Variants in COL25A1 observed in about 807,000 individuals in gnomAD.
The protein encoded by COL25A1 is collagen type XXV alpha 1 chain, also known as collagen alpha-1(XXV) chain.
COL25A1 carries 103 observed loss-of-function variants against 128.4 expected under a neutral mutation model. The observed-to-expected ratio is 0.80, with a 90% CI of 0.68 to 0.94. COL25A1 has a LOEUF of 0.94. Among genes scored for constraint, COL25A1 ranks in the 40% least tolerant of loss-of-function variants. The pLI, the probability that COL25A1 is intolerant of heterozygous loss-of-function variation, is 0.00. For synonymous variants in COL25A1, 279 were observed against 277.2 expected (o/e 1.01, Z -0.06); for missense variants, 745 against 840.0 (o/e 0.89, Z 1.40).
intron 5 of COL25A1, among the ~76,000 whole-genome samples, chr4:109,043,435 A>T (rs1194258299): frequency 6.6e-6 from 1 of 152,074 alleles, no homozygotes; most frequent in East Asian, 1.9e-4. Context: ...CGAGCTGACA[A>T]TTGTTAAAGG....
At chr4:108,857,576 A>T (rs996014662) in intron 24 of COL25A1, among the ~76,000 whole-genome samples, 1 of 151,950 alleles carries the variant, frequency 6.6e-6, no homozygotes, top group Non-Finnish European at 1.5e-5. Flanking sequence ...TTTAAAAAAA[A>T]AAAACGACTT....
At position 109,182,449 on chromosome 4, in the gene COL25A1, A is replaced by G. The variant is rs182233245; in HGVS notation, c.367+118134T>C. ...AAAGGGTAAACTACAGTATGATTAT[A>G]TTGATCCCATCAGCTACATAATAGT... On this transcript the variant is annotated intron_variant, in intron 3 of 37. Transcript: ENST00000399132. Among the ~76,000 whole-genome samples, 120 of 152,278 alleles carry G rather than the reference A, an allele frequency of 7.9e-4. 1 individual carries two copies. The highest frequency in any genetic ancestry group is 7.7e-3 in the Admixed American group (118 of 15,284).
chr4:108,851,787 A>C (rs1735809639), intron 26 of COL25A1, among the ~76,000 whole-genome samples: 1 of 152,160 alleles, frequency 6.6e-6, no homozygotes, highest in African/African-American at 2.4e-5. Flanking sequence ...TGATTCCTAA[A>C]ATTTTGATTT....
At position 109,146,153 on chromosome 4, in the gene COL25A1, C is replaced by T. The variant is rs562281609; in HGVS notation, c.368-95974G>A. Among the ~76,000 whole-genome samples the T allele has an allele frequency of 1.6e-4, 24 of 151,988 alleles. No homozygotes were observed. The South Asian group carries it at 2.3e-3, about 14-fold the overall frequency. The stretch of plus-strand genomic sequence containing the variant: ...ATTCAGTTTGGAATGACTTTTTAAA[C>T]GGTTTTGAGGATTTTTTTAAAATCA... On this transcript the variant is annotated intron_variant, in intron 3 of 37. Coordinates refer to ENST00000399132, the MANE Select transcript of COL25A1 (RefSeq NM_198721.4).
At chr4:108,822,751 T>C (rs1731930513) in intron 35 of COL25A1, among the ~76,000 whole-genome samples, 1 of 152,172 alleles carries the variant, frequency 6.6e-6, no homozygotes, top group African/African-American at 2.4e-5. Flanking sequence ...AACACACTCA[T>C]CTTGGGCTAA....
At chr4:109,032,646 A>G (rs1427557707) in intron 5 of COL25A1, among the ~76,000 whole-genome samples, 1 of 152,250 alleles carries the variant, frequency 6.6e-6, no homozygotes, top group Non-Finnish European at 1.5e-5. Context: ...TAAATCAGAT[A>G]CTGTAATGTT....
chr4:108,998,260 G>A (rs962292482), intron 6 of COL25A1, among the ~76,000 whole-genome samples: 1 of 152,154 alleles, frequency 6.6e-6, no homozygotes, highest in Non-Finnish European at 1.5e-5. Flanking sequence ...AAGCTGATAA[G>A]CAACTTCAGC....
At chr4:109,254,977 GC>G in intron 3 of COL25A1, among the ~76,000 whole-genome samples, 1 of 152,296 alleles carries the variant, frequency 6.6e-6, no homozygotes, top group South Asian at 2.1e-4. Context: ...TTGCACTAAT[GC>G]AAATACAAGG....
At chr4:109,291,018 T>C (rs941220471) in intron 3 of COL25A1, among the ~76,000 whole-genome samples, 2 of 152,154 alleles carry the variant, frequency 1.3e-5, no homozygotes, top group Admixed American at 6.6e-5. Context: ...TTGAAGTCCA[T>C]ACTTTGAGAC....
At chr4:109,176,163 G>A (rs1774076774) in intron 3 of COL25A1, among the ~76,000 whole-genome samples, 1 of 152,128 alleles carries the variant, frequency 6.6e-6, no homozygotes, top group Non-Finnish European at 1.5e-5. Flanking sequence ...AGGCTGAGGT[G>A]GGCAGATCAC....
At chr4:109,124,687 C>T (rs1768421461) in intron 3 of COL25A1, among the ~76,000 whole-genome samples, 1 of 151,772 alleles carries the variant, frequency 6.6e-6, no homozygotes. Context: ...CAAAATGCTC[C>T]ATCTCTCACC....
intron 30 of COL25A1, among the ~76,000 whole-genome samples, chr4:108,842,785 G>C (rs753070526): frequency 2.6e-5 from 4 of 152,018 alleles, no homozygotes; most frequent in Admixed American, 6.6e-5. Flanking sequence ...TATAGTAGAG[G>C]GAGTATTTTT....
chr4:108,941,450 T>C lies in COL25A1; in HGVS notation c.493-13A>G. The C allele has an allele frequency of 6.2e-7, 1 of 1,610,370 alleles. No homozygotes were observed. On this transcript the variant is annotated splice_polypyrimidine_tract_variant and intron_variant, in intron 8 of 37. Transcript: ENST00000399132. Reference sequence around the variant, plus strand: ...TAGGAAACACCATCTGATCAGTCAGTTGAGGTCAAAGGTTGAAGTTCAGAG... The same window carrying C: ...TAGGAAACACCATCTGATCAGTCAGCTGAGGTCAAAGGTTGAAGTTCAGAG...
chr4:108,846,244 A>G (rs1314726456), intron 27 of COL25A1, 25 bp from the exon 28 acceptor site: 3 of 1,466,474 alleles, frequency 2.0e-6, no homozygotes, highest in African/African-American at 2.8e-5. Context: ...CAAGGTTGGC[A>G]TGTAAGCAGC....
At chr4:108,996,844 A>T (rs940674654) in intron 6 of COL25A1, among the ~76,000 whole-genome samples, 4 of 152,200 alleles carry the variant, frequency 2.6e-5, no homozygotes. Context: ...ACAGAACTAC[A>T]TGGAAACTGA....
chr4:108,834,729 CTG>C (rs1466751287), intron 31 of COL25A1, among the ~76,000 whole-genome samples: 2 of 152,100 alleles, frequency 1.3e-5, no homozygotes, highest in East Asian at 3.9e-4. Flanking sequence ...TTTCTAAAGA[CTG>C]TGCTATTCAC....
At chr4:109,050,787 G>A (rs1402247426) in intron 3 of COL25A1, among the ~76,000 whole-genome samples, 1 of 151,972 alleles carries the variant, frequency 6.6e-6, no homozygotes, top group African/African-American at 2.4e-5. Flanking sequence ...AGTAATTATA[G>A]GCCTGATTTT....
intron 3 of COL25A1, among the ~76,000 whole-genome samples, chr4:109,243,225 A>G (rs1327803001): frequency 6.6e-6 from 1 of 152,090 alleles, no homozygotes; most frequent in African/African-American, 2.4e-5. Context: ...GGAGTTAAAA[A>G]GAGTATAACC....
At chr4:109,094,638 G>A (rs1215612488) in intron 3 of COL25A1, among the ~76,000 whole-genome samples, 5 of 152,044 alleles carry the variant, frequency 3.3e-5, no homozygotes, top group East Asian at 1.9e-4. Context: ...TTTGGTAGCC[G>A]ACTATCAACT....
Sources: gnomAD v4.1 joint callset for allele counts (sites outside exome capture counted in the v4.1 genomes callset) on GRCh38, gnomAD v4.1.1 for gene constraint, MANE v1.5 for transcripts, NCBI Gene and HGNC (gene_info 2026-07-23, HGNC 2026-07-21) for gene names.